Variants in LGR4 observed in about 807,000 individuals in gnomAD.
LGR4 encodes the protein leucine-rich repeat-containing G protein-coupled receptor 4.
In LGR4, 44 loss-of-function variants were observed where a neutral mutation model predicts 84.8. The ratio of observed to expected loss-of-function variants is 0.52; its 90% CI spans 0.41 to 0.67. The LOEUF (loss-of-function observed/expected upper bound fraction) is 0.67, where lower values mean the gene tolerates loss of function less well. LGR4 is among the 30% of genes least tolerant of loss of function. The pLI is 0.00. For synonymous variants in LGR4, 429 were observed against 434.3 expected (o/e 0.99, Z 0.15); for missense variants, 1,032 against 1,131.4 (o/e 0.91, Z 1.26).
At position 27,366,020 on chromosome 11, in the gene LGR4, T is replaced by C. The variant is rs1862756956; in HGVS notation, c.*1847A>G. 6.6e-6 allele frequency: 1 copy of C among 152,516 alleles called. No homozygotes were observed. Among genetic ancestry groups the C allele is most frequent in the Admixed American group, 6.5e-5 (1 of 15,272 alleles). 9.4% of individuals were successfully genotyped at this position (152,516 alleles called of 1,614,324 possible). A position where few individuals can be genotyped will look rare whatever the true frequency, so the allele number is the denominator to read the frequency against. On this transcript the variant is annotated 3_prime_UTR_variant, in exon 18 of 18. Coordinates refer to ENST00000379214, the MANE Select transcript of LGR4 (RefSeq NM_018490.5). ...GAGTACAATATTGTATTTCATACCA[T>C]ATAGCACAAAGATTAACACTTTTAT... is the stretch of plus-strand genomic sequence containing the variant.
rs1451165108 is a variant in LGR4 at position 27,384,358 on chromosome 11, C to T, written c.667G>A (p.Gly223Arg). ...IRSLSQHCFD[G>R]LDNLETLDLN... ...TACAAGGTCTCCAGGTTATCTAGTC[C>T]ATCAAAACAGTGTTGACTCAGGCTT... The change falls in exon 6 of 18, where the codon GGA becomes AGA. Residue 223 changes from glycine to arginine, a missense_variant. Transcript: ENST00000379214. The T allele has an allele frequency of 6.2e-7, 1 of 1,608,424 alleles. No individual in the cohort carries two copies. Among genetic ancestry groups the T allele is most frequent in the South Asian group, 1.1e-5 (1 of 90,848 alleles).
At chr11:27,450,279 T>C (rs1462534209) in intron 1 of LGR4, among the ~76,000 whole-genome samples, 1 of 152,218 alleles carries the variant, frequency 6.6e-6, no homozygotes, top group Non-Finnish European at 1.5e-5. Flanking sequence ...GCCTTATAAA[T>C]TGTCAGTAGA....
rs141696851 is a variant in LGR4 at position 27,381,982 on chromosome 11, T to C, written c.758+206A>G. Among the ~76,000 whole-genome samples, 268 of 152,356 alleles carry C rather than the reference T, an allele frequency of 1.8e-3. 1 individual carries two copies. The highest frequency in any genetic ancestry group is 6.3e-3 in the African/African-American group (264 of 41,576). On this transcript the variant is annotated intron_variant, in intron 7 of 17. Transcript: ENST00000379214. ...CGCTGTATATCAGGCCTTCTTGTTT[T>C]ACCAGCATCTAACCCTATACATCAA...
chr11:27,411,188 C>T (rs1863704073), intron 2 of LGR4, among the ~76,000 whole-genome samples: 1 of 151,952 alleles, frequency 6.6e-6, no homozygotes. Context: ...CCTTCCATCA[C>T]ATAATTACTT....
chr11:27,398,423 T>C (rs917307333), intron 2 of LGR4, among the ~76,000 whole-genome samples: 1 of 152,200 alleles, frequency 6.6e-6, no homozygotes, highest in South Asian at 2.1e-4. Flanking sequence ...ATGATGGGAC[T>C]TAGGTTTCTT....
chr11:27,372,665 G>C (rs542077888), intron 15 of LGR4, among the ~76,000 whole-genome samples: 1 of 152,166 alleles, frequency 6.6e-6, no homozygotes, highest in African/African-American at 2.4e-5. Context: ...AAATTTAACA[G>C]CAGTACTGTA....
At chr11:27,451,240 A>C (rs1334809147) in intron 1 of LGR4, among the ~76,000 whole-genome samples, 1 of 152,200 alleles carries the variant, frequency 6.6e-6, no homozygotes, top group Non-Finnish European at 1.5e-5. Flanking sequence ...TGGAACCATA[A>C]CTTCAGACAA....
intron 13 of LGR4, 117 bp downstream of exon 13, chr11:27,376,182 T>A (rs1243423518): frequency 3.0e-6 from 2 of 670,498 alleles, no homozygotes; most frequent in African/African-American, 3.8e-5. Flanking sequence ...CACCACGTTG[T>A]TCAGGCTGAA....
chr11:27,445,233 C>T (rs115907335), intron 1 of LGR4, among the ~76,000 whole-genome samples: 1,925 of 152,220 alleles, frequency 0.013, 42 homozygotes, highest in African/African-American at 0.044. Flanking sequence ...TTCCACCAAA[C>T]CCTATCACCT....
At chr11:27,379,454 C>T (rs1863050200) in intron 10 of LGR4, among the ~76,000 whole-genome samples, 1 of 152,226 alleles carries the variant, frequency 6.6e-6, no homozygotes, top group African/African-American at 2.4e-5. Context: ...TCCTTACCCT[C>T]CTCACATTAC....
chr11:27,384,254 A>AT (rs1301611212), intron 6 of LGR4, 82 bp downstream of exon 6: 5 of 872,420 alleles, frequency 5.7e-6, no homozygotes, highest in African/African-American at 1.7e-5. Context: ...TAAGGCCAAT[A>AT]TTTTTTTCTT....
intron 1 of LGR4, among the ~76,000 whole-genome samples, chr11:27,466,912 T>A (rs1272616079): frequency 6.6e-6 from 1 of 152,034 alleles, no homozygotes; most frequent in Non-Finnish European, 1.5e-5. Flanking sequence ...GCCTCCCAAG[T>A]AGCTGGGACT....
chr11:27,466,815 G>A (rs901138635), intron 1 of LGR4, among the ~76,000 whole-genome samples: 2 of 151,784 alleles, frequency 1.3e-5, no homozygotes, highest in Non-Finnish European at 2.9e-5. Flanking sequence ...GAGGAGTCTC[G>A]CTCTGTTGCC....
intron 11 of LGR4, among the ~76,000 whole-genome samples, chr11:27,378,459 T>C (rs1863031001): frequency 6.6e-6 from 1 of 152,182 alleles, no homozygotes; most frequent in South Asian, 2.1e-4. Flanking sequence ...GAACCTATCT[T>C]GGTTTTACTT....
rs1022912508 is a variant in LGR4 at position 27,472,693 on chromosome 11, G to A, written c.-391C>T. On this transcript the variant is annotated 5_prime_UTR_variant, in exon 1 of 18. Transcript: ENST00000379214. ...ATGCCGGCCACTCGCCCCAGCCCCC[G>A]CCGTGGCTCTCGCACAAACACCCAG... The A allele has an allele frequency of 4.7e-5, 17 of 360,958 alleles. No individual in the cohort carries two copies. In the South Asian group the frequency reaches 8.8e-4, roughly 19 times the overall value. The allele number at this position is 360,958 out of a possible 1,614,324, so 22.4% of individuals were successfully genotyped here.
rs545839072 is a variant in LGR4, at chr11:27,459,650, T to A, written c.185+12468A>T. On this transcript the variant is annotated intron_variant, in intron 1 of 17. Transcript: ENST00000379214. ...CACCACTGCACCTGCCTAATTTTTGTATTTTCAGTAGAGACGGGGTTTCAC... is the reference window on the plus strand; with the variant it reads ...CACCACTGCACCTGCCTAATTTTTGAATTTTCAGTAGAGACGGGGTTTCAC... Among the ~76,000 whole-genome samples, 18 of 152,096 alleles carry A rather than the reference T, an allele frequency of 1.2e-4. 1 individual carries two copies. In the South Asian group the frequency reaches 1.2e-3, roughly 11 times the overall value.
intron 4 of LGR4, among the ~76,000 whole-genome samples, chr11:27,387,394 A>C (rs1863206505): frequency 6.6e-6 from 1 of 152,200 alleles, no homozygotes; most frequent in African/African-American, 2.4e-5. Flanking sequence ...AGGGACTCTG[A>C]GGAGGAGGGT....
At chr11:27,402,448 T>A (rs529917864) in intron 2 of LGR4, among the ~76,000 whole-genome samples, 2 of 152,312 alleles carry the variant, frequency 1.3e-5, no homozygotes, top group Admixed American at 6.5e-5. Context: ...ACGACGTGGC[T>A]GAGCAACTCC....
At chr11:27,387,921 A>C (rs921600424) in intron 4 of LGR4, among the ~76,000 whole-genome samples, 2 of 152,184 alleles carry the variant, frequency 1.3e-5, no homozygotes, top group Non-Finnish European at 2.9e-5. Context: ...TACTGTATAC[A>C]ACCGTTAAAC....
Sources: allele counts gnomAD v4.1 joint callset (sites outside exome capture counted in the v4.1 genomes callset), GRCh38; gene constraint gnomAD v4.1.1; transcripts MANE v1.5; gene names NCBI Gene and HGNC (gene_info 2026-07-23, HGNC 2026-07-21).